The following RNF111 variants were observed in gnomAD, a reference collection of about 807,000 sequenced individuals.
The protein encoded by RNF111 is E3 ubiquitin-protein ligase Arkadia.
RNF111 carries 17 observed loss-of-function variants against 95.1 expected under a neutral mutation model. The ratio of observed to expected loss-of-function variants is 0.18; its 90% CI spans 0.12 to 0.27. RNF111 has a LOEUF of 0.27. Among genes scored for constraint, RNF111 ranks in the 10% least tolerant of loss-of-function variants. RNF111 has a pLI of 1.00. For synonymous variants in RNF111, 440 were observed against 414.8 expected, an observed-to-expected ratio of 1.06 and a Z score of -0.74; for missense variants, 1,189 against 1,210.4, an observed-to-expected ratio of 0.98 and a Z score of 0.26.
intron 1 of RNF111, among the ~76,000 whole-genome samples, chr15:59,000,894 G>C (rs1274684764): frequency 1.3e-5 from 2 of 152,150 alleles, no homozygotes; most frequent in African/African-American, 4.8e-5. Context: ...GCACATAGTA[G>C]TGATCAAAAC....
chr15:59,057,771 C>T (rs2042258773), intron 4 of RNF111, among the ~76,000 whole-genome samples: 1 of 152,192 alleles, frequency 6.6e-6, no homozygotes, highest in African/African-American at 2.4e-5. Context: ...TAAGTGATTA[C>T]TCTCTGTAAG....
chr15:59,077,785 G>A (rs1239872562), intron 7 of RNF111, among the ~76,000 whole-genome samples: 5 of 152,170 alleles, frequency 3.3e-5, no homozygotes, highest in African/African-American at 1.2e-4. Context: ...CCAAGGGGCT[G>A]CATCAATTTA....
At chr15:59,042,698 T>A (rs1310600593) in intron 2 of RNF111, among the ~76,000 whole-genome samples, 1 of 152,212 alleles carries the variant, frequency 6.6e-6, no homozygotes, top group Non-Finnish European at 1.5e-5. Context: ...CCTATTGACT[T>A]GAGATATGCT....
intron 8 of RNF111, 112 bp from the exon 9 acceptor site, chr15:59,084,017 T>C (rs934897647): frequency 1.9e-5 from 15 of 793,522 alleles, no homozygotes; most frequent in Non-Finnish European, 2.6e-5. Context: ...ATTTTATGAC[T>C]AATCTATAGA....
chr15:59,017,965 G>A (rs1272020797), intron 1 of RNF111, among the ~76,000 whole-genome samples: 3 of 151,754 alleles, frequency 2.0e-5, no homozygotes, highest in Admixed American at 1.3e-4. Context: ...CATCATGTTG[G>A]CCAGGCTGGT....
At chr15:59,082,725 G>T (rs574993779) in intron 8 of RNF111, among the ~76,000 whole-genome samples, 2 of 152,064 alleles carry the variant, frequency 1.3e-5, no homozygotes, top group Non-Finnish European at 2.9e-5. Flanking sequence ...AAAATTTCCC[G>T]TTTTACCCTT....
chr15:59,006,310 A>G (rs1345190293), intron 1 of RNF111, among the ~76,000 whole-genome samples: 1 of 152,242 alleles, frequency 6.6e-6, no homozygotes, highest in African/African-American at 2.4e-5. Flanking sequence ...CAATCAGGAC[A>G]TAAAACATTC....
At chr15:59,090,743 A>G (rs62004074) in intron 11 of RNF111, among the ~76,000 whole-genome samples, 14 of 152,216 alleles carry the variant, frequency 9.2e-5, no homozygotes, top group Non-Finnish European at 1.9e-4. Context: ...CATGATAAAC[A>G]ACCATTTGCC....
chr15:59,069,073 C>CAAA (rs397853868), intron 6 of RNF111, among the ~76,000 whole-genome samples: 8 of 89,504 alleles, frequency 8.9e-5, no homozygotes, highest in Non-Finnish European at 1.8e-4. Context: ...GACTCCGTCT[C>CAAA]AAAAAAAAAA....
intron 2 of RNF111, among the ~76,000 whole-genome samples, chr15:59,034,494 A>G (rs2041073533): frequency 1.3e-5 from 2 of 152,214 alleles, no homozygotes; most frequent in South Asian, 4.1e-4. Flanking sequence ...TTCTCATTGA[A>G]TCCTTCCAGT....
At chr15:58,992,786 T>G (rs2038876359) in intron 1 of RNF111, among the ~76,000 whole-genome samples, 1 of 151,056 alleles carries the variant, frequency 6.6e-6, no homozygotes, top group Admixed American at 6.6e-5. Context: ...TGCCACTGCA[T>G]TCCAGCCTCG....
At chr15:59,068,960 G>A (rs2042788077) in intron 6 of RNF111, among the ~76,000 whole-genome samples, 1 of 151,682 alleles carries the variant, frequency 6.6e-6, no homozygotes, top group South Asian at 2.1e-4. Flanking sequence ...TGTAATCCCA[G>A]CTGCTCAGGA....
chr15:59,064,702 A>T (rs968044877), intron 5 of RNF111, among the ~76,000 whole-genome samples: 1 of 152,016 alleles, frequency 6.6e-6, no homozygotes, highest in Non-Finnish European at 1.5e-5. Context: ...AAGAACCTTT[A>T]CAAAAGGGTT....
chr15:59,049,669 G>T, intron 2 of RNF111: 1 of 159,556 alleles, frequency 6.3e-6, no homozygotes, highest in East Asian at 1.9e-4. Context: ...GGATAACATT[G>T]TAACTTCCAG....
Position 59,076,132 on chromosome 15 carries a change from G to A in RNF111, c.1865G>A (p.Gly622Glu). ...CCTTTATCATCAATAGATGGCTATG[G>A]ATCAAGCATGGTTGCGCAGCCCCAG... ...SQPLSSIDGY[G>E]SSMVAQPQPQ... is the part of the protein sequence containing the mutation. Residue 622 changes from glycine (G) to glutamate (E), a missense_variant, in exon 7 of 14, where the codon GGA (glycine) becomes GAA (glutamate). By Grantham distance (98) the Gly-to-Glu change is moderately conservative. This residue lies in a region of RNF111 where 1,024 missense variants were observed against 925.9 expected (regional missense o/e 1.11). Coordinates refer to ENST00000348370, the MANE Select transcript of RNF111 (RefSeq NM_017610.8). The A allele has an allele frequency of 6.2e-7, 1 of 1,614,064 alleles. No individual in the cohort carries two copies. Among genetic ancestry groups the A allele is most frequent in the East Asian group, 2.2e-5 (1 of 44,880 alleles).
chr15:59,062,627 G>T (rs577827455), intron 5 of RNF111, among the ~76,000 whole-genome samples: 11 of 152,292 alleles, frequency 7.2e-5, no homozygotes, highest in Admixed American at 3.3e-4. Context: ...CATTTATTGA[G>T]CCTATAGTGT....
intron 3 of RNF111, among the ~76,000 whole-genome samples, chr15:59,053,772 T>C (rs1436073992): frequency 1.3e-5 from 2 of 152,130 alleles, no homozygotes; most frequent in Non-Finnish European, 2.9e-5. Context: ...AGATCTTGTT[T>C]TGGACATGGT....
rs553708340 is a variant in RNF111, at chr15:59,012,273, C to T, written c.-19-18531C>T. Among the ~76,000 whole-genome samples the T allele has an allele frequency of 4.6e-5, 7 of 152,060 alleles. No individual in the cohort carries two copies. The East Asian group carries it at 1.2e-3, about 25-fold the overall frequency. On this transcript the variant is annotated intron_variant, in intron 1 of 13. Coordinates refer to ENST00000348370, the MANE Select transcript of RNF111 (RefSeq NM_017610.8). Reference sequence around the variant, plus strand: ...ACCTCAGGTGGTCCACTTGCCTAGGCCTCCCAAAATGTTGAGATTACAGGC... The same window carrying T: ...ACCTCAGGTGGTCCACTTGCCTAGGTCTCCCAAAATGTTGAGATTACAGGC...
intron 1 of RNF111, among the ~76,000 whole-genome samples, chr15:58,996,522 A>G (rs948578686): frequency 6.6e-6 from 1 of 151,940 alleles, no homozygotes; most frequent in Admixed American, 6.6e-5. Context: ...TGGAGGTTGC[A>G]GTGAGCCGAG....
Sources: gnomAD v4.1 joint callset for allele counts (sites outside exome capture counted in the v4.1 genomes callset) on GRCh38, gnomAD v4.1.1 for gene constraint, gnomAD v4.1.1 regional missense constraint, MANE v1.5 for transcripts, NCBI Gene and HGNC (gene_info 2026-07-23, HGNC 2026-07-21) for gene names.